Variants in TMEM273 observed in about 807,000 individuals in gnomAD.
The protein encoded by TMEM273 is transmembrane protein 273.
TMEM273 carries 19 observed loss-of-function variants against 17.9 expected under a neutral mutation model. The ratio of observed to expected loss-of-function variants is 1.06; its 90% confidence interval spans 0.74 to 1.55. The LOEUF (loss-of-function observed/expected upper bound fraction) is 1.55. TMEM273 is among the 40% of genes most tolerant of loss of function. The pLI is 0.00. For synonymous variants in TMEM273, 66 were observed against 62.0 expected (o/e 1.07, Z -0.31); for missense variants, 194 against 155.6 (o/e 1.25, Z -1.31).
At chr10:49,168,699 AG>A (rs1291071278) in intron 1 of TMEM273, among the ~76,000 whole-genome samples, 1 of 32,158 alleles carries the variant, frequency 3.1e-5, no homozygotes, top group East Asian at 9.6e-4. Flanking sequence ...GAAGGGAGGG[AG>A]GGAGGGAGGG....
At chr10:49,185,851 G>T (rs1046947433) in intron 1 of TMEM273, among the ~76,000 whole-genome samples, 3 of 151,874 alleles carry the variant, frequency 2.0e-5, no homozygotes, top group South Asian at 4.2e-4. Flanking sequence ...GGGGGCATGT[G>T]CCTGTAATCC....
intron 1 of TMEM273, among the ~76,000 whole-genome samples, chr10:49,171,930 C>A (rs1846599152): frequency 6.6e-6 from 1 of 152,196 alleles, no homozygotes; most frequent in Non-Finnish European, 1.5e-5. Flanking sequence ...CACTCTTTGC[C>A]ACCCTTATTT....
chr10:49,161,605 G>C lies in TMEM273; in HGVS notation c.366C>G (p.Leu122=), dbSNP rs1476390685. ...GATCACTCTTACAACTCACCTTTTG[G>C]AGAAATTGTGGTTTCGCCTGCAAAA... is the stretch of plus-strand genomic sequence containing the variant. ...EGLFKAKPQF[L]QKRCTGD The change falls in exon 6 of 7, where the codon CTC becomes CTG. Residue 122 remains leucine (L), a synonymous_variant. Transcript: ENST00000374153. 3.7e-6 allele frequency: 6 copies of C among 1,614,092 alleles called. No homozygotes were observed. In the East Asian group the frequency reaches 8.9e-5, roughly 24 times the overall value.
intron 1 of TMEM273, among the ~76,000 whole-genome samples, chr10:49,178,714 T>C (rs1847156874): frequency 6.6e-6 from 1 of 152,228 alleles, no homozygotes; most frequent in East Asian, 1.9e-4. Flanking sequence ...TCCTGGATAC[T>C]CTAGTTTGGT....
intron 1 of TMEM273, 31 bp downstream of exon 1, chr10:49,188,263 C>A (rs181582153): frequency 1.9e-6 from 3 of 1,613,270 alleles, no homozygotes; most frequent in Non-Finnish European, 2.5e-6. Flanking sequence ...GAGGCTCCCC[C>A]GGGCCAGAGA....
chr10:49,182,067 T>A (rs1315284046), intron 1 of TMEM273, among the ~76,000 whole-genome samples: 1 of 152,204 alleles, frequency 6.6e-6, no homozygotes, highest in Non-Finnish European at 1.5e-5. Context: ...TCAGGAAGTA[T>A]CTCTTGCCTA....
At chr10:49,167,099 C>A in intron 2 of TMEM273, 90 bp from the exon 3 acceptor site, 3 of 1,528,860 alleles carry the variant, frequency 2.0e-6, no homozygotes, top group Admixed American at 1.8e-5. Context: ...GCATGTGGCC[C>A]TTAACACACC....
intron 6 of TMEM273, 116 bp downstream of exon 6, chr10:49,161,483 G>T: frequency 7.4e-7 from 1 of 1,343,540 alleles, no homozygotes; most frequent in Non-Finnish European, 1.1e-6. Context: ...CCATGCCATG[G>T]TTGCCCGTCC....
intron 1 of TMEM273, among the ~76,000 whole-genome samples, chr10:49,172,575 C>A (rs1265522868): frequency 1.3e-5 from 2 of 152,200 alleles, no homozygotes; most frequent in African/African-American, 4.8e-5. Flanking sequence ...GGATCTGAGA[C>A]TTCACTATGA....
intron 4 of TMEM273, 142 bp from the exon 5 acceptor site, chr10:49,165,425 G>A (rs1459530742): frequency 5.5e-5 from 82 of 1,502,622 alleles, no homozygotes; most frequent in Non-Finnish European, 7.0e-5. Context: ...GACAAACCAC[G>A]TGTGACCTCC....
At chr10:49,158,704 T>G (rs1406011236) in intron 6 of TMEM273, among the ~76,000 whole-genome samples, 2 of 152,070 alleles carry the variant, frequency 1.3e-5, no homozygotes, top group Non-Finnish European at 2.9e-5. Flanking sequence ...GCACAGAAAT[T>G]TAGAACATTA....
chr10:49,171,984 C>T (rs533502011), intron 1 of TMEM273, among the ~76,000 whole-genome samples: 4 of 152,154 alleles, frequency 2.6e-5, no homozygotes, highest in African/African-American at 4.8e-5. Context: ...GGCCAGTAGG[C>T]GTGCGTGCAC....
Position 49,188,192 on chromosome 10 carries a change from A to G in TMEM273, c.43+102T>C. 5 of 1,270,016 alleles carry G rather than the reference A, an allele frequency of 3.9e-6. No homozygotes were observed. The South Asian group carries it at 6.2e-5, about 16-fold the overall frequency. The allele number at this position is 1,270,016 out of a possible 1,614,324, so 78.7% of individuals were successfully genotyped here. Reference sequence around the variant, plus strand: ...AGAAACATCATCTGTGTAAAGGGACAGAGTTATGTTTTAGGGATCAAGCCC... The same window carrying G: ...AGAAACATCATCTGTGTAAAGGGACGGAGTTATGTTTTAGGGATCAAGCCC... On this transcript the variant is annotated intron_variant, in intron 1 of 6. Coordinates refer to ENST00000374153, the MANE Select transcript of TMEM273 (RefSeq NM_001288740.3).
At chr10:49,169,724 G>A (rs2466748) in intron 1 of TMEM273, among the ~76,000 whole-genome samples, 102,877 of 152,046 alleles carry the variant, frequency 0.68, 36,551 homozygotes, top group African/African-American at 0.91. Flanking sequence ...TTTTTTTTAA[G>A]TCAATCTTGC....
chr10:49,168,325 C>T lies in TMEM273; in HGVS notation c.44-363G>A, dbSNP rs567026699. 1.9e-4 allele frequency among the ~76,000 whole-genome samples: 29 copies of T among 152,292 alleles called. No individual in the cohort carries two copies. The East Asian group carries it at 5.6e-3, about 30-fold the overall frequency. ...AGCCAGGGAATCTCCTGCCCTGCCTCAGGGCCACACCCTCTGCCTGACCCC... is the reference window on the plus strand; with the variant it reads ...AGCCAGGGAATCTCCTGCCCTGCCTTAGGGCCACACCCTCTGCCTGACCCC... On this transcript the variant is annotated intron_variant, in intron 1 of 6. Coordinates refer to ENST00000374153, the MANE Select transcript of TMEM273 (RefSeq NM_001288740.3).
At chr10:49,179,968 C>T (rs1003476871) in intron 1 of TMEM273, among the ~76,000 whole-genome samples, 10 of 152,218 alleles carry the variant, frequency 6.6e-5, no homozygotes, top group African/African-American at 1.9e-4. Flanking sequence ...CTTCCACGCT[C>T]ACTGCTCAGT....
chr10:49,186,458 G>A (rs1305037629), intron 1 of TMEM273, among the ~76,000 whole-genome samples: 3 of 152,128 alleles, frequency 2.0e-5, no homozygotes, highest in Non-Finnish European at 2.9e-5. Context: ...CTTACATTTC[G>A]CTTACATTGA....
chr10:49,160,028 G>A (rs1564619479), intron 6 of TMEM273, among the ~76,000 whole-genome samples: 3 of 152,140 alleles, frequency 2.0e-5, no homozygotes, highest in Non-Finnish European at 4.4e-5. Flanking sequence ...AGAATAAAAA[G>A]GCTTCCTTGT....
chr10:49,165,059 C>T, intron 5 of TMEM273, 146 bp downstream of exon 5: 2 of 1,179,800 alleles, frequency 1.7e-6, no homozygotes, highest in Non-Finnish European at 2.3e-6. Context: ...ACCCTACCCG[C>T]CCGGAGCTTA....
Sources: allele counts gnomAD v4.1 joint callset (sites outside exome capture counted in the v4.1 genomes callset), GRCh38; gene constraint gnomAD v4.1.1; transcripts MANE v1.5; gene names NCBI Gene and HGNC (gene_info 2026-07-23, HGNC 2026-07-21).